ATF7IP: variants seen among roughly 807,000 people sequenced by gnomAD.
ATF7IP encodes the protein activating transcription factor 7 interacting protein.
ATF7IP carries 23 observed loss-of-function variants against 106.4 expected under a neutral mutation model. The observed-to-expected ratio is 0.22, with a 90% CI of 0.16 to 0.31. The LOEUF is 0.31. Among genes scored for constraint, ATF7IP ranks in the 10% least tolerant of loss-of-function variants. The pLI, the probability that ATF7IP is intolerant of heterozygous loss-of-function variation, is 1.00. For missense variants in ATF7IP, 1,334 were observed against 1,524.3 expected (o/e 0.88, Z 2.08); for synonymous variants, 542 against 539.0 (o/e 1.01, Z -0.08).
intron 5 of ATF7IP, among the ~76,000 whole-genome samples, chr12:14,441,883 A>G (rs1454219372): frequency 6.6e-6 from 1 of 152,178 alleles, no homozygotes; most frequent in Non-Finnish European, 1.5e-5. Context: ...ATTTGTCTAC[A>G]ACTTCTTGAT....
intron 9 of ATF7IP, among the ~76,000 whole-genome samples, chr12:14,463,627 C>G (rs1048054924): frequency 6.6e-6 from 1 of 151,928 alleles, no homozygotes; most frequent in South Asian, 2.1e-4. Flanking sequence ...GGGGGAAATA[C>G]GGTTAAAGGG....
intron 1 of ATF7IP, among the ~76,000 whole-genome samples, chr12:14,382,766 A>G (rs1939050309): frequency 6.6e-6 from 1 of 152,254 alleles, no homozygotes; most frequent in Admixed American, 6.5e-5. Context: ...GATGCGATTT[A>G]TATCCTTATA....
rs762036579 is a variant in ATF7IP at position 14,434,439 on chromosome 12, C to G, written c.1645+16C>G. 1 of 1,260,074 alleles carries G rather than the reference C, an allele frequency of 7.9e-7. No individual in the cohort carries two copies. Among genetic ancestry groups the G allele is most frequent in the African/African-American group, 1.5e-5 (1 of 67,836 alleles). The allele number at this position is 1,260,074 out of a possible 1,614,324, so 78.1% of individuals were successfully genotyped here. A position where few individuals can be genotyped will look rare whatever the true frequency, so the allele number is the denominator to read the frequency against. On this transcript the variant is annotated intron_variant, in intron 3 of 14. Transcript: ENST00000261168. The stretch of plus-strand genomic sequence containing the variant: ...TCTGAGAAAAGTATGCATGTATAAA[C>G]AAACTTGAACTGGATTGAAAAATAA...
chr12:14,375,211 C>CT (rs979775524), intron 1 of ATF7IP, among the ~76,000 whole-genome samples: 44 of 145,504 alleles, frequency 3.0e-4, no homozygotes, highest in East Asian at 8.0e-4. Context: ...GATGTCAGAA[C>CT]TTTTTTTTTT....
At chr12:14,383,613 A>G (rs78783722) in intron 1 of ATF7IP, among the ~76,000 whole-genome samples, 1,773 of 152,268 alleles carry the variant, frequency 0.012, 27 homozygotes, top group East Asian at 0.062. Flanking sequence ...GATGGAGTGC[A>G]GTGGTTCAAG....
At chr12:14,401,757 G>T (rs1221428297) in intron 1 of ATF7IP, among the ~76,000 whole-genome samples, 1 of 124,986 alleles carries the variant, frequency 8.0e-6, no homozygotes, top group African/African-American at 3.1e-5. Flanking sequence ...TCGCTGTGTC[G>T]CTCAGGCTGG....
At chr12:14,400,386 A>G (rs1940124433) in intron 1 of ATF7IP, among the ~76,000 whole-genome samples, 2 of 152,176 alleles carry the variant, frequency 1.3e-5, no homozygotes, top group Non-Finnish European at 2.9e-5. Context: ...TTCCATGAAG[A>G]CAGACTTTGT....
chr12:14,481,082 C>G lies in ATF7IP; in HGVS notation c.3177C>G (p.Asn1059Lys). 6.2e-7 allele frequency: 1 copy of G among 1,614,050 alleles called. No homozygotes were observed. The highest frequency in any genetic ancestry group is 8.5e-7 in the Non-Finnish European group (1 of 1,179,980). The change falls in exon 13 of 15, where the codon AAC (asparagine) becomes AAG (lysine). Residue 1059 changes from asparagine to lysine, a missense_variant. By Grantham distance (94) the Asn-to-Lys change is moderately conservative. This residue lies in a region of ATF7IP where 370 missense variants were observed against 401.2 expected (regional missense o/e 0.92). Transcript: ENST00000261168. ...TRLPVPRAPA[N>K]HQVVYTTLPA... ...TCCCTGTACCAAGAGCTCCTGCAAACCACCAGGTGGTTTATACAACTCTTC... is the reference window on the plus strand; with the variant it reads ...TCCCTGTACCAAGAGCTCCTGCAAAGCACCAGGTGGTTTATACAACTCTTC...
chr12:14,496,118 T>G (rs778848952), intron 13 of ATF7IP, 113 bp from the exon 14 acceptor site: 17 of 674,892 alleles, frequency 2.5e-5, no homozygotes, highest in Non-Finnish European at 4.1e-5. Flanking sequence ...GAAATATCTT[T>G]CCTTTCGAAT....
At chr12:14,373,119 G>A (rs963554286) in intron 1 of ATF7IP, among the ~76,000 whole-genome samples, 4 of 152,156 alleles carry the variant, frequency 2.6e-5, no homozygotes, top group African/African-American at 9.7e-5. Context: ...AGCCTTAGAT[G>A]TATATCTGCC....
intron 13 of ATF7IP, among the ~76,000 whole-genome samples, chr12:14,489,114 G>A (rs546455511): frequency 3.9e-5 from 6 of 152,154 alleles, no homozygotes; most frequent in Non-Finnish European, 8.8e-5. Context: ...CATTCCTGAG[G>A]GGTCTGGGCC....
chr12:14,438,980 A>T (rs1356289285), intron 5 of ATF7IP, among the ~76,000 whole-genome samples: 1 of 152,158 alleles, frequency 6.6e-6, no homozygotes, highest in African/African-American at 2.4e-5. Context: ...TTTTATGTTA[A>T]TCTACCTCCT....
intron 1 of ATF7IP, among the ~76,000 whole-genome samples, chr12:14,412,674 T>C (rs1024753721): frequency 2.0e-5 from 3 of 152,196 alleles, no homozygotes; most frequent in African/African-American, 4.8e-5. Context: ...ATATACAAGA[T>C]TTTGTTATCT....
At chr12:14,385,457 G>A (rs1479394783) in intron 1 of ATF7IP, 11 of 1,470,950 alleles carry the variant, frequency 7.5e-6, no homozygotes, top group Admixed American at 2.1e-5. Flanking sequence ...TTTTTAAAAA[G>A]GAATTTAACT....
intron 1 of ATF7IP, among the ~76,000 whole-genome samples, chr12:14,380,461 T>C (rs1041546146): frequency 1.3e-5 from 2 of 152,180 alleles, no homozygotes; most frequent in African/African-American, 4.8e-5. Flanking sequence ...AGGTCTTATG[T>C]CTTGTGCTGG....
rs949400978 is a variant in ATF7IP at position 14,407,682 on chromosome 12, C to T, written c.-7-16227C>T. On this transcript the variant is annotated intron_variant, in intron 1 of 14. Coordinates refer to ENST00000261168, the MANE Select transcript of ATF7IP (RefSeq NM_018179.5). ...GGCAAAGTTGAAAAATCAAAAATAG[C>T]GGTGTTGTACAGATTATTTATGTGC... 9.2e-5 allele frequency among the ~76,000 whole-genome samples: 14 copies of T among 152,114 alleles called. No homozygotes were observed. In the South Asian group the frequency reaches 1.7e-3, roughly 18 times the overall value.
chr12:14,444,927 G>T (rs1000515596), intron 5 of ATF7IP, among the ~76,000 whole-genome samples: 3 of 151,536 alleles, frequency 2.0e-5, no homozygotes, highest in Admixed American at 2.0e-4. Flanking sequence ...ATTTTGGGGG[G>T]GCTTAAGTAA....
At chr12:14,423,781 G>A in intron 1 of ATF7IP, 128 bp from the exon 2 acceptor site, 1 of 1,041,536 alleles carries the variant, frequency 9.6e-7, no homozygotes, top group Non-Finnish European at 1.3e-6. Flanking sequence ...CAAGCAGTAG[G>A]TTTTCTATGT....
intron 1 of ATF7IP, among the ~76,000 whole-genome samples, chr12:14,401,963 C>T (rs139074663): frequency 8.6e-5 from 13 of 151,104 alleles, no homozygotes; most frequent in Middle Eastern, 3.4e-3. Context: ...GCGCTTGCCT[C>T]GGCCTCCAAA....
Sources: gnomAD v4.1 joint callset for allele counts (sites outside exome capture counted in the v4.1 genomes callset) on GRCh38, gnomAD v4.1.1 for gene constraint, gnomAD v4.1.1 regional missense constraint, MANE v1.5 for transcripts, NCBI Gene and HGNC (gene_info 2026-07-23, HGNC 2026-07-21) for gene names.